Variants in HECW1 observed in about 807,000 individuals in gnomAD.
The protein encoded by HECW1 is HECT, C2 and WW domain containing E3 ubiquitin protein ligase 1.
HECW1 carries 61 observed loss-of-function variants against 182.3 expected under a neutral mutation model. The observed-to-expected ratio is 0.33, with a 90% confidence interval of 0.27 to 0.41. The LOEUF (loss-of-function observed/expected upper bound fraction) is 0.41, where lower values mean the gene tolerates loss of function less well. Ranked by LOEUF, HECW1 falls within the 10% of genes least tolerant of loss-of-function variation. The probability of loss-of-function intolerance (pLI) is 1.00; values close to 1 mark genes in which losing one functional copy is unlikely to be tolerated. For synonymous variants in HECW1, 859 were observed against 832.6 expected (o/e 1.03, Z -0.55); for missense variants, 1,739 against 2,108.9 (o/e 0.82, Z 3.44).
intron 3 of HECW1, among the ~76,000 whole-genome samples, chr7:43,244,917 GC>G (rs1208892215): frequency 6.6e-6 from 1 of 152,250 alleles, no homozygotes; most frequent in African/African-American, 2.4e-5. Flanking sequence ...TTCAGTGTGT[GC>G]CTTGGTACGC....
chr7:43,417,054 T>C (rs2076033248), intron 8 of HECW1, among the ~76,000 whole-genome samples: 1 of 152,182 alleles, frequency 6.6e-6, no homozygotes, highest in Non-Finnish European at 1.5e-5. Context: ...GCTCCTCTCA[T>C]TTATTTATTT....
chr7:43,159,723 A>G (rs1050284291), intron 2 of HECW1, among the ~76,000 whole-genome samples: 2 of 123,104 alleles, frequency 1.6e-5, no homozygotes, highest in Non-Finnish European at 3.2e-5. Context: ...TCTGTCGCCC[A>G]GGCTGGAGTG....
intron 8 of HECW1, among the ~76,000 whole-genome samples, chr7:43,437,098 G>A (rs886985386): frequency 1.3e-5 from 2 of 152,106 alleles, no homozygotes; most frequent in Admixed American, 6.6e-5. Flanking sequence ...TCCCCTACCA[G>A]CCCACTTCCT....
In HECW1 at chr7:43,563,435, A is replaced by G. The variant is rs1585317404; in HGVS notation, c.*1509A>G. On this transcript the variant is annotated 3_prime_UTR_variant, in exon 30 of 30. Coordinates refer to ENST00000395891, the MANE Select transcript of HECW1 (RefSeq NM_015052.5). ...ACTGGGAAAAAGAAGAGCTCAAGAG[A>G]CCCCACTATTTAAATGTCATTTAAT... 5.0e-6 allele frequency: 1 copy of G among 199,128 alleles called. No individual in the cohort carries two copies. The highest frequency in any genetic ancestry group is 6.1e-5 in the Admixed American group (1 of 16,510). The allele number at this position is 199,128 out of a possible 1,614,324, so 12.3% of individuals were successfully genotyped here.
intron 2 of HECW1, among the ~76,000 whole-genome samples, chr7:43,144,539 T>G (rs1367028981): frequency 6.6e-6 from 1 of 152,244 alleles, no homozygotes; most frequent in Non-Finnish European, 1.5e-5. Context: ...TTTGTCAGTA[T>G]GAACTCAGGA....
At chr7:43,342,489 T>C (rs1813119611) in intron 5 of HECW1, among the ~76,000 whole-genome samples, 1 of 151,820 alleles carries the variant, frequency 6.6e-6, no homozygotes, top group Non-Finnish European at 1.5e-5. Flanking sequence ...TTCCTCTTGC[T>C]GAAACTAAAC....
intron 2 of HECW1, among the ~76,000 whole-genome samples, chr7:43,125,488 G>A (rs1000786538): frequency 2.6e-5 from 4 of 151,846 alleles, no homozygotes; most frequent in Non-Finnish European, 5.9e-5. Flanking sequence ...CGGGTGTGGT[G>A]GCTCACGCCT....
At position 43,444,020 on chromosome 7, in the gene HECW1, AGTT is replaced by A. The variant is rs1158088702; in HGVS notation, c.1046-191_1046-189del. Among the ~76,000 whole-genome samples, 4 of 152,360 alleles carry A rather than the reference AGTT, an allele frequency of 2.6e-5. No individual in the cohort carries two copies. Among genetic ancestry groups the A allele is most frequent in the Non-Finnish European group, 4.4e-5 (3 of 68,036 alleles). On this transcript the variant is annotated intron_variant, in intron 10 of 29. Coordinates refer to ENST00000395891, the MANE Select transcript of HECW1 (RefSeq NM_015052.5). This position sits in a 1 kb window ranked among gnomAD's most constrained non-coding sequence, Gnocchi z 4.3. Reference sequence around the variant, plus strand: ...TTTCGGAAATATATCCATGACTGCAAGTTGTTGTTAACATAGCAAGAACTCATT... The same window carrying A: ...TTTCGGAAATATATCCATGACTGCAAGTTGTTAACATAGCAAGAACTCATT...
chr7:43,253,010 G>C (rs1406308901), intron 3 of HECW1, among the ~76,000 whole-genome samples: 1 of 152,110 alleles, frequency 6.6e-6, no homozygotes, highest in Non-Finnish European at 1.5e-5. Context: ...AAGTTATTTA[G>C]CCCAGTCATT....
At chr7:43,299,098 G>A (rs919714473) in intron 3 of HECW1, among the ~76,000 whole-genome samples, 2 of 152,150 alleles carry the variant, frequency 1.3e-5, no homozygotes, top group African/African-American at 2.4e-5. Flanking sequence ...CCGTATCCTC[G>A]AGGCCAGAGA....
chr7:43,537,075 A>G (rs1435387955), intron 24 of HECW1, among the ~76,000 whole-genome samples: 3 of 152,220 alleles, frequency 2.0e-5, no homozygotes, highest in African/African-American at 7.2e-5. Flanking sequence ...AGAGGGGAGC[A>G]GTGCTACACC....
At chr7:43,309,718 C>T (rs1808260380) in intron 3 of HECW1, among the ~76,000 whole-genome samples, 1 of 152,170 alleles carries the variant, frequency 6.6e-6, no homozygotes, top group African/African-American at 2.4e-5. Context: ...GGCTGTGTAA[C>T]CCTTGGCACT....
intron 3 of HECW1, among the ~76,000 whole-genome samples, chr7:43,257,738 G>C (rs1231774155): frequency 6.6e-6 from 1 of 152,194 alleles, no homozygotes; most frequent in Non-Finnish European, 1.5e-5. Context: ...TAGACTCTCA[G>C]CTCAGAGTTT....
At chr7:43,504,268 T>C (rs1355124836) in intron 21 of HECW1, among the ~76,000 whole-genome samples, 1 of 152,186 alleles carries the variant, frequency 6.6e-6, no homozygotes, top group East Asian at 1.9e-4. Context: ...CTCAACCACT[T>C]ACTCCCAAAA....
At chr7:43,359,116 G>A (rs933743067) in intron 5 of HECW1, among the ~76,000 whole-genome samples, 7 of 152,086 alleles carry the variant, frequency 4.6e-5, no homozygotes, top group East Asian at 1.9e-4. Context: ...GTGAGCCACC[G>A]TGCCCGGCCC....
At chr7:43,316,895 C>T (rs1809387610) in intron 4 of HECW1, among the ~76,000 whole-genome samples, 1 of 149,154 alleles carries the variant, frequency 6.7e-6, no homozygotes, top group South Asian at 2.2e-4. Flanking sequence ...TTACATTTCC[C>T]AGACTCCCAT....
At chr7:43,537,869 C>G (rs1471912337) in intron 24 of HECW1, among the ~76,000 whole-genome samples, 1 of 152,172 alleles carries the variant, frequency 6.6e-6, no homozygotes, top group African/African-American at 2.4e-5. Context: ...GGAAATTCCA[C>G]CTTATGGTCT....
rs371422517 is a variant in HECW1, at chr7:43,337,830, A to G, written c.460+17088A>G. On this transcript the variant is annotated intron_variant, in intron 5 of 29. Transcript: ENST00000395891. Reference sequence around the variant, plus strand: ...CACAATGTCTTTTTTTTTATAGAAGACACTCACTTGCTGTGAAGGCTGCAT... The same window carrying G: ...CACAATGTCTTTTTTTTTATAGAAGGCACTCACTTGCTGTGAAGGCTGCAT... 9.9e-5 allele frequency among the ~76,000 whole-genome samples: 15 copies of G among 152,178 alleles called. 1 individual carries two copies. The highest frequency in any genetic ancestry group is 7.7e-4 in the East Asian group (4 of 5,186).
intron 16 of HECW1, among the ~76,000 whole-genome samples, chr7:43,470,924 T>C (rs1162243978): frequency 1.3e-5 from 2 of 152,156 alleles, no homozygotes; most frequent in African/African-American, 4.8e-5. Flanking sequence ...CAAAGGAGGA[T>C]AGTGGGAAAA....
Sources: allele counts gnomAD v4.1 joint callset (sites outside exome capture counted in the v4.1 genomes callset), GRCh38; gene constraint gnomAD v4.1.1; non-coding constraint Gnocchi (gnomAD v3.1); transcripts MANE v1.5; gene names NCBI Gene and HGNC (gene_info 2026-07-23, HGNC 2026-07-21).